SRBD1: variants seen among roughly 807,000 people sequenced by gnomAD.
SRBD1 encodes S1 RNA-binding domain-containing protein 1.
SRBD1 carries 88 observed loss-of-function variants against 115.3 expected under a neutral mutation model. The observed-to-expected ratio is 0.76, with a 90% confidence interval of 0.64 to 0.91. The LOEUF (loss-of-function observed/expected upper bound fraction) is 0.91. Among genes scored for constraint, SRBD1 ranks in the 40% least tolerant of loss-of-function variants. The pLI, the probability that SRBD1 is intolerant of heterozygous loss-of-function variation, is 0.00. For missense variants in SRBD1, 1,385 were observed against 1,177.4 expected, an observed-to-expected ratio of 1.18 and a Z score of -2.58; for synonymous variants, 509 against 407.7, an observed-to-expected ratio of 1.25 and a Z score of -2.99.
chr2:45,540,541 T>G (rs1319146031), intron 14 of SRBD1, among the ~76,000 whole-genome samples: 1 of 151,924 alleles, frequency 6.6e-6, no homozygotes, highest in East Asian at 1.9e-4. Context: ...TTCTCAAAAC[T>G]AAAATTTTTG....
intron 4 of SRBD1, among the ~76,000 whole-genome samples, chr2:45,598,129 G>T (rs1673962322): frequency 6.6e-6 from 1 of 152,186 alleles, no homozygotes; most frequent in Admixed American, 6.5e-5. Context: ...GTAGTCCATG[G>T]ACCACACTTT....
intron 14 of SRBD1, among the ~76,000 whole-genome samples, chr2:45,527,355 A>G (rs550611579): frequency 4.0e-5 from 6 of 151,888 alleles, no homozygotes; most frequent in Non-Finnish European, 7.4e-5. Flanking sequence ...AGGCGGCTAT[A>G]TATTAAATGT....
intron 18 of SRBD1, among the ~76,000 whole-genome samples, chr2:45,414,315 AATG>A (rs1435248493): frequency 5.9e-5 from 9 of 152,176 alleles, no homozygotes. Context: ...ATCAAAGAAA[AATG>A]ATGATATGAA....
At chr2:45,398,253 T>C (rs1002865315) in intron 19 of SRBD1, among the ~76,000 whole-genome samples, 2 of 152,120 alleles carry the variant, frequency 1.3e-5, no homozygotes, top group African/African-American at 4.8e-5. Flanking sequence ...TTCCAGACTC[T>C]GATGAGAGAA....
At chr2:45,454,283 C>T (rs1199699033) in intron 16 of SRBD1, among the ~76,000 whole-genome samples, 1 of 151,828 alleles carries the variant, frequency 6.6e-6, no homozygotes, top group East Asian at 1.9e-4. Context: ...GCATGATTCA[C>T]TTTGAAAGAC....
At chr2:45,604,515 A>G (rs1674204483) in intron 2 of SRBD1, among the ~76,000 whole-genome samples, 1 of 152,130 alleles carries the variant, frequency 6.6e-6, no homozygotes, top group Non-Finnish European at 1.5e-5. Flanking sequence ...CCTACTCATT[A>G]CAATCTCATT....
intron 14 of SRBD1, among the ~76,000 whole-genome samples, chr2:45,541,575 C>G (rs1024424529): frequency 4.6e-5 from 7 of 152,246 alleles, no homozygotes; most frequent in African/African-American, 1.7e-4. Context: ...CCAAAGCGGG[C>G]AGCTCCTTTC....
chr2:45,476,637 A>T (rs1669811464), intron 16 of SRBD1, among the ~76,000 whole-genome samples: 1 of 152,214 alleles, frequency 6.6e-6, no homozygotes, highest in Non-Finnish European at 1.5e-5. Context: ...GTGAAGATCA[A>T]GTTCAATGCA....
rs147032586 is a variant in SRBD1, at chr2:45,573,258, A to G, written c.1254T>C (p.Phe418=). The G allele has an allele frequency of 1.8e-4, 283 of 1,612,274 alleles. 1 individual carries two copies. In the African/African-American group the frequency reaches 3.3e-3, roughly 19 times the overall value. ...KKVNEKDVDK[F]LLYQHFSCNI... is the part of the protein sequence containing the mutation. ...TGCAGGAAAAATGCTGGTAGAGCAGAAACTTATCAACATCTTTCTCATTTA... is the reference window on the plus strand; with the variant it reads ...TGCAGGAAAAATGCTGGTAGAGCAGGAACTTATCAACATCTTTCTCATTTA... Residue 418 remains phenylalanine (F), a synonymous_variant, in exon 9 of 21, where the codon TTT becomes TTC. Transcript: ENST00000263736.
At chr2:45,583,155 G>A (rs1205906950) in intron 5 of SRBD1, among the ~76,000 whole-genome samples, 1 of 151,348 alleles carries the variant, frequency 6.6e-6, no homozygotes, top group African/African-American at 2.4e-5. Context: ...AGTTAGAGAT[G>A]ATAATATGAT....
intron 1 of SRBD1, 61 bp from the exon 2 acceptor site, chr2:45,605,502 A>G: frequency 1.4e-6 from 2 of 1,444,784 alleles, no homozygotes; most frequent in East Asian, 2.3e-5. Context: ...TTATTTGGCT[A>G]CAAGTAATGG....
rs375562057 is a variant in SRBD1 at position 45,488,349 on chromosome 2, G to A, written c.1875-18C>T. 18 of 1,605,282 alleles carry A rather than the reference G, an allele frequency of 1.1e-5. No homozygotes were observed. The African/African-American group carries it at 2.0e-4, about 18-fold the overall frequency. On this transcript the variant is annotated intron_variant, in intron 14 of 20. Coordinates refer to ENST00000263736, the MANE Select transcript of SRBD1 (RefSeq NM_018079.5). ...TGACGATACTGAGAAGACAGAAAAA[G>A]GGGAATATCACTTTCCTAACTTCCT... is the stretch of plus-strand genomic sequence containing the variant.
chr2:45,598,013 G>T (rs1021237977), intron 4 of SRBD1, among the ~76,000 whole-genome samples: 2 of 152,176 alleles, frequency 1.3e-5, no homozygotes, highest in Non-Finnish European at 2.9e-5. Context: ...CTTAAAAAGC[G>T]TTAGAAAAGG....
intron 14 of SRBD1, among the ~76,000 whole-genome samples, chr2:45,505,015 C>T (rs1048108755): frequency 6.6e-6 from 1 of 152,050 alleles, no homozygotes. Flanking sequence ...TAGTATCACA[C>T]CAAATAGGTG....
At chr2:45,399,705 C>A (rs914182972) in intron 19 of SRBD1, among the ~76,000 whole-genome samples, 1 of 152,056 alleles carries the variant, frequency 6.6e-6, no homozygotes, top group Non-Finnish European at 1.5e-5. Flanking sequence ...AAATTTCTTA[C>A]TATTTTTTAA....
chr2:45,606,632 A>G (rs539922672), intron 1 of SRBD1, among the ~76,000 whole-genome samples: 10 of 152,332 alleles, frequency 6.6e-5, no homozygotes, highest in Admixed American at 3.9e-4. Flanking sequence ...CTATGTGACT[A>G]AAAACTATTT....
At chr2:45,393,166 A>T in intron 19 of SRBD1, 37 bp from the exon 20 acceptor site, 1 of 1,555,436 alleles carries the variant, frequency 6.4e-7, no homozygotes, top group Non-Finnish European at 8.6e-7. Context: ...ACACTTAACA[A>T]TATTACTCCT....
chr2:45,580,973 G>A (rs1226761352), intron 6 of SRBD1, among the ~76,000 whole-genome samples: 13 of 151,854 alleles, frequency 8.6e-5, no homozygotes, highest in Non-Finnish European at 1.6e-4. Context: ...TTGAGCCACC[G>A]CGCCCAGCCA....
chr2:45,591,227 G>A (rs2104218983), intron 4 of SRBD1, among the ~76,000 whole-genome samples: 1 of 152,234 alleles, frequency 6.6e-6, no homozygotes, highest in South Asian at 2.1e-4. Context: ...GGATCAGATG[G>A]CAACATGCAG....
Sources: gnomAD v4.1 joint callset for allele counts (sites outside exome capture counted in the v4.1 genomes callset) on GRCh38, gnomAD v4.1.1 for gene constraint, MANE v1.5 for transcripts, NCBI Gene and HGNC (gene_info 2026-07-23, HGNC 2026-07-21) for gene names.